Variants in CMYA5 observed in about 807,000 individuals in gnomAD.
CMYA5 encodes cardiomyopathy-associated protein 5.
A neutral mutation model predicts 318.9 loss-of-function variants in CMYA5; 246 were observed. The ratio of observed to expected loss-of-function variants is 0.77; its 90% CI spans 0.70 to 0.86. CMYA5 has a LOEUF of 0.86. CMYA5 is among the 40% of genes least tolerant of loss of function. The pLI is 0.00. For synonymous variants in CMYA5, 1,641 were observed against 1,729.5 expected, an observed-to-expected ratio of 0.95 and a Z score of 1.27; for missense variants, 4,589 against 4,678.2, an observed-to-expected ratio of 0.98 and a Z score of 0.56.
chr5:79,757,636 TA>T (rs1219391586), intron 6 of CMYA5, among the ~76,000 whole-genome samples: 3 of 152,358 alleles, frequency 2.0e-5, no homozygotes, highest in Non-Finnish European at 4.4e-5. Context: ...ATACACCAAC[TA>T]TATCTTAAAA....
At chr5:79,701,447 G>A (rs370280813) in intron 1 of CMYA5, among the ~76,000 whole-genome samples, 2 of 152,242 alleles carry the variant, frequency 1.3e-5, no homozygotes, top group South Asian at 2.1e-4. Flanking sequence ...TGTCTCAAAT[G>A]ATCACATGTA....
At chr5:79,741,254 A>G (rs779520705) in intron 2 of CMYA5, among the ~76,000 whole-genome samples, 3 of 152,162 alleles carry the variant, frequency 2.0e-5, no homozygotes, top group African/African-American at 7.2e-5. Context: ...AGATAATAAA[A>G]TCGTCTCAGA....
rs62621912 is a variant in CMYA5, at chr5:79,735,735, G to A, written c.6970G>A (p.Gly2324Ser). 0.14 allele frequency: 222,576 copies of A among 1,593,168 alleles called. 16,554 individuals are homozygous for A. Among genetic ancestry groups the A allele is most frequent in the East Asian group, 0.2 (9,012 of 44,786 alleles). ...NLEIQSYSLI[G>S]EKLVMEEAKT... ...TGAAATTCAATCTTATTCACTAATC[G>A]GTGAGAAATTGGTTATGGAAGAAGC... The change falls in exon 2 of 13, where the codon GGT (glycine) becomes AGT (serine). Residue 2324 changes from glycine (G) to serine (S), a missense_variant. Transcript: ENST00000446378.
Position 79,739,166 on chromosome 5 carries a change from G to A in CMYA5, c.10401G>A (p.Ala3467=), listed in dbSNP as rs763267019. The A allele has an allele frequency of 1.7e-5, 27 of 1,613,516 alleles. No individual in the cohort carries two copies. The highest frequency in any genetic ancestry group is 1.7e-4 in the Middle Eastern group (1 of 6,058). The change falls in exon 2 of 13, where the codon GCG becomes GCA. Residue 3467 remains alanine (A), a synonymous_variant. Transcript: ENST00000446378. ...SFEHISENEF[A]SEAEQSTPAE... is the part of the protein sequence containing the mutation. ...AGCACATCAGTGAAAATGAATTTGCGAGTGAGGCAGAACAAAGTACACCTG... is the reference window on the plus strand; with the variant it reads ...AGCACATCAGTGAAAATGAATTTGCAAGTGAGGCAGAACAAAGTACACCTG...
At chr5:79,785,501 T>G (rs1829067356) in intron 9 of CMYA5, among the ~76,000 whole-genome samples, 1 of 152,262 alleles carries the variant, frequency 6.6e-6, no homozygotes, top group African/African-American at 2.4e-5. Context: ...GTTCTTTATA[T>G]AGATCTTATA....
At chr5:79,709,806 A>C (rs1166322273) in intron 1 of CMYA5, among the ~76,000 whole-genome samples, 4 of 151,558 alleles carry the variant, frequency 2.6e-5, no homozygotes, top group Non-Finnish European at 4.4e-5. Context: ...AAAATACAAA[A>C]AAAAATTAGC....
In CMYA5 at chr5:79,762,965, C is replaced by T. The variant is rs996689773; in HGVS notation, c.11408-97C>T. ...ACACTTTCTGATGAAAAATTGAAAACAGAATCATGCCGAAGCCGTGGAAGA... is the reference window on the plus strand; with the variant it reads ...ACACTTTCTGATGAAAAATTGAAAATAGAATCATGCCGAAGCCGTGGAAGA... On this transcript the variant is annotated intron_variant, in intron 8 of 12. Coordinates refer to ENST00000446378, the MANE Select transcript of CMYA5 (RefSeq NM_153610.5). 4.4e-6 allele frequency: 6 copies of T among 1,374,288 alleles called. No individual in the cohort carries two copies. The African/African-American group carries it at 5.8e-5, about 13-fold the overall frequency. The allele number at this position is 1,374,288 out of a possible 1,614,324, so 85.1% of individuals were successfully genotyped here. A position where few individuals can be genotyped will look rare whatever the true frequency, so the allele number is the denominator to read the frequency against.
intron 12 of CMYA5, among the ~76,000 whole-genome samples, chr5:79,798,342 C>G (rs955908510): frequency 1.2e-4 from 18 of 152,148 alleles, no homozygotes; most frequent in African/African-American, 4.1e-4. Context: ...ATCCGTCGAC[C>G]TTTCCCTCAT....
At chr5:79,712,693 A>G (rs905737132) in intron 1 of CMYA5, among the ~76,000 whole-genome samples, 1 of 152,212 alleles carries the variant, frequency 6.6e-6, no homozygotes, top group African/African-American at 2.4e-5. Flanking sequence ...CAAATTTAAT[A>G]CAAAAAATTG....
At chr5:79,694,905 C>G (rs1466234514) in intron 1 of CMYA5, among the ~76,000 whole-genome samples, 1 of 152,160 alleles carries the variant, frequency 6.6e-6, no homozygotes, top group East Asian at 1.9e-4. Context: ...TAGAAGATAA[C>G]AGAGTCACTT....
intron 9 of CMYA5, among the ~76,000 whole-genome samples, chr5:79,764,562 C>T (rs190670412): frequency 3.0e-4 from 45 of 152,274 alleles, no homozygotes; most frequent in African/African-American, 1.0e-3. Flanking sequence ...CTTGAGGAAT[C>T]GCCACACTGT....
chr5:79,784,783 C>G (rs1056517127), intron 9 of CMYA5, among the ~76,000 whole-genome samples: 1 of 148,644 alleles, frequency 6.7e-6, no homozygotes, highest in Non-Finnish European at 1.5e-5. Context: ...GGCTCGCTCA[C>G]GGTGCGCGCA....
intron 9 of CMYA5, chr5:79,778,166 G>A (rs1828976193): frequency 6.6e-6 from 1 of 152,152 alleles, no homozygotes; most frequent in Non-Finnish European, 1.5e-5. Flanking sequence ...TACCAATTGA[G>A]AGGCATTGAA....
Position 79,745,282 on chromosome 5 carries a change from G to C in CMYA5, c.10795G>C (p.Val3599Leu). 6.2e-7 allele frequency: 1 copy of C among 1,612,676 alleles called. No individual in the cohort carries two copies. Among genetic ancestry groups the C allele is most frequent in the South Asian group, 1.1e-5 (1 of 90,884 alleles). The change falls in exon 4 of 13, where the codon GTT becomes CTT. Residue 3599 changes from valine (V) to leucine (L), a missense_variant. Physicochemically the swap from Val to Leu is conservative, Grantham distance 32. This residue lies in a region of CMYA5 where 2,431 missense variants were observed against 2,495.1 expected (regional missense o/e 0.97). Transcript: ENST00000446378. ...EEQNEEMMKK[V>L]LAQYDEKAQS... ...ACAGAATGAGGAAATGATGAAGAAG[G>C]TTTTAGCACAGTATGATGAGAAAGC...
At position 79,729,935 on chromosome 5, in the gene CMYA5, C is replaced by T. The variant is rs370323383; in HGVS notation, c.1170C>T (p.Phe390=). The T allele has an allele frequency of 4.2e-5, 67 of 1,613,786 alleles. No homozygotes were observed. The African/African-American group carries it at 8.1e-4, about 20-fold the overall frequency. The change falls in exon 2 of 13, where the codon TTC becomes TTT. Residue 390 remains phenylalanine, a synonymous_variant. Coordinates refer to ENST00000446378, the MANE Select transcript of CMYA5 (RefSeq NM_153610.5). ...SVTPDTPATM[F]LRTTKEECEL... is the part of the protein sequence containing the mutation. ...CACCCGACACACCTGCAACTATGTT[C>T]CTGAGAACAACAAAGGAAGAATGTG...
Position 79,731,928 on chromosome 5 carries a change from T to C in CMYA5, c.3163T>C (p.Ser1055Pro), listed in dbSNP as rs550783789. ...DIGSTAATPVSEQFSSSQKQK... is the reference protein window; with the variant it reads ...DIGSTAATPVPEQFSSSQKQK... ...TGGATCCACAGCTGCTACACCTGTA[T>C]CTGAGCAGTTCAGTTCATCACAGAA... Residue 1055 changes from serine (S) to proline (P), a missense_variant, in exon 2 of 13, where the codon TCT (serine) becomes CCT (proline). Physicochemically the swap from Ser to Pro is moderately conservative, Grantham distance 74. Coordinates refer to ENST00000446378, the MANE Select transcript of CMYA5 (RefSeq NM_153610.5). 4 of 1,613,142 alleles carry C rather than the reference T, an allele frequency of 2.5e-6. No homozygotes were observed. The African/African-American group carries it at 5.3e-5, about 22-fold the overall frequency.
chr5:79,791,961 C>A (rs1459271056), intron 11 of CMYA5, among the ~76,000 whole-genome samples: 1 of 152,086 alleles, frequency 6.6e-6, no homozygotes, highest in African/African-American at 2.4e-5. Context: ...CTGTAACACA[C>A]GGGAAACACA....
rs372160028 is a variant in CMYA5, at chr5:79,739,409, T to C, written c.10638+6T>C. 12 of 1,495,694 alleles carry C rather than the reference T, an allele frequency of 8.0e-6. No homozygotes were observed. The highest frequency in any genetic ancestry group is 2.7e-5 in the South Asian group (2 of 75,340). The allele number at this position is 1,495,694 out of a possible 1,614,324, so 92.7% of individuals were successfully genotyped here. ...CAGCTATAAGTGCTGTAAAGGTAAATAGATGTTGAACACACATAATTAATA... is the reference window on the plus strand; with the variant it reads ...CAGCTATAAGTGCTGTAAAGGTAAACAGATGTTGAACACACATAATTAATA... On this transcript the variant is annotated splice_donor_region_variant and intron_variant, in intron 2 of 12. Transcript: ENST00000446378.
intron 9 of CMYA5, among the ~76,000 whole-genome samples, chr5:79,778,840 T>TGTGTGTGTGTGTGTGTGTGTATG (rs1453105123): frequency 1.6e-5 from 2 of 122,108 alleles, no homozygotes; most frequent in East Asian, 3.9e-4. Context: ...TGTGTGTATG[T>TGTGTGTGTGTGTGTGTGTGTATG]TTATTCACTC....
Sources: gnomAD v4.1 joint callset for allele counts (sites outside exome capture counted in the v4.1 genomes callset) on GRCh38, gnomAD v4.1.1 for gene constraint, gnomAD v4.1.1 regional missense constraint, MANE v1.5 for transcripts, NCBI Gene and HGNC (gene_info 2026-07-23, HGNC 2026-07-21) for gene names.